Variants in RAD51 observed in about 807,000 individuals in gnomAD.
RAD51 encodes the protein DNA repair protein RAD51 homolog 1.
Under a neutral mutation model 41.5 loss-of-function variants are expected in RAD51, and 14 were observed. The ratio of observed to expected loss-of-function variants is 0.34; its 90% CI spans 0.22 to 0.53. The LOEUF is 0.53. Ranked by LOEUF, RAD51 falls within the 20% of genes least tolerant of loss-of-function variation. RAD51 has a pLI of 0.95. For synonymous variants in RAD51, 136 were observed against 148.6 expected (o/e 0.92, Z 0.62); for missense variants, 234 against 422.0 (o/e 0.55, Z 3.90).
At chr15:40,699,457 GT>G (rs1276099164) in intron 2 of RAD51, among the ~76,000 whole-genome samples, 1 of 152,118 alleles carries the variant, frequency 6.6e-6, no homozygotes, top group African/African-American at 2.4e-5. Context: ...CTGTTTTTTT[GT>G]TTGTTTTTTA....
intron 5 of RAD51, among the ~76,000 whole-genome samples, chr15:40,712,872 CTTTTCT>C (rs1180528700): frequency 3.4e-5 from 3 of 89,364 alleles, no homozygotes; most frequent in African/African-American, 8.6e-5. Context: ...TTTTTCTTTT[CTTTTCT>C]TTTTTTTTTT....
Position 40,731,658 on chromosome 15 carries a change from G to T in RAD51, c.*480G>T. 4.1e-6 allele frequency: 1 copy of T among 246,320 alleles called. No individual in the cohort carries two copies. Among genetic ancestry groups the T allele is most frequent in the Non-Finnish European group, 8.0e-6 (1 of 124,384 alleles). 15.3% of individuals were successfully genotyped at this position (246,320 alleles called of 1,614,324 possible). A position where few individuals can be genotyped will look rare whatever the true frequency, so the allele number is the denominator to read the frequency against. On this transcript the variant is annotated 3_prime_UTR_variant, in exon 10 of 10. Coordinates refer to ENST00000267868, the MANE Select transcript of RAD51 (RefSeq NM_002875.5). ...TCTCAAGCAGGTTTTTAAGTTGTCTGTCTGAATGATCTTGTGTAAGGTTTT... is the reference window on the plus strand; with the variant it reads ...TCTCAAGCAGGTTTTTAAGTTGTCTTTCTGAATGATCTTGTGTAAGGTTTT...
chr15:40,724,729 G>A (rs1896472666), intron 6 of RAD51, among the ~76,000 whole-genome samples: 1 of 132,098 alleles, frequency 7.6e-6, no homozygotes, highest in African/African-American at 2.8e-5. Context: ...GCCCAGGCTG[G>A]AGTGCTGTGG....
chr15:40,709,258 T>C, intron 5 of RAD51, 142 bp downstream of exon 5: 1 of 709,646 alleles, frequency 1.4e-6, no homozygotes. Flanking sequence ...GAAGATAGAC[T>C]CCTACTTCAA....
chr15:40,724,670 A>ATT (rs757564729), intron 6 of RAD51, among the ~76,000 whole-genome samples: 39 of 72,036 alleles, frequency 5.4e-4, no homozygotes, highest in Middle Eastern at 9.3e-3. Context: ...TAATTTTTTT[A>ATT]TTTCTTTTTT....
intron 5 of RAD51, among the ~76,000 whole-genome samples, chr15:40,712,671 TTTA>T (rs1201045367): frequency 5.3e-5 from 8 of 152,316 alleles, no homozygotes; most frequent in African/African-American, 1.7e-4. Flanking sequence ...CTTTTGAAGC[TTTA>T]TTATAATTTT....
At chr15:40,724,271 CAT>C (rs772612999) in intron 6 of RAD51, among the ~76,000 whole-genome samples, 17 of 152,284 alleles carry the variant, frequency 1.1e-4, no homozygotes, top group South Asian at 2.1e-4. Flanking sequence ...TTTTGGCAAT[CAT>C]GTACAGCATT....
intron 4 of RAD51, among the ~76,000 whole-genome samples, chr15:40,706,824 G>A (rs1327529609): frequency 6.6e-6 from 1 of 152,146 alleles, no homozygotes; most frequent in East Asian, 1.9e-4. Context: ...ATTTAATATT[G>A]TGTTAAGAGA....
chr15:40,728,443 C>T (rs1896699653), intron 6 of RAD51, among the ~76,000 whole-genome samples: 1 of 147,918 alleles, frequency 6.8e-6, no homozygotes, highest in Admixed American at 6.8e-5. Flanking sequence ...CAGAGCAAGA[C>T]TCCGTCTCAA....
intron 5 of RAD51, among the ~76,000 whole-genome samples, chr15:40,713,306 G>A (rs1251509298): frequency 5.4e-5 from 8 of 147,876 alleles, no homozygotes; most frequent in African/African-American, 7.5e-5. Context: ...GTGCAGTGGC[G>A]CAATCTTGGC....
intron 6 of RAD51, among the ~76,000 whole-genome samples, chr15:40,724,760 G>A (rs1896475809): frequency 1.5e-5 from 2 of 136,964 alleles, no homozygotes; most frequent in African/African-American, 5.4e-5. Context: ...GCTCACGCAA[G>A]CTCCACCTCC....
upstream of RAD51, chr15:40,695,052 C>G (rs950086192): frequency 6.6e-6 from 1 of 152,326 alleles, no homozygotes; most frequent in Non-Finnish European, 1.5e-5. Context: ...CGCGCAGGAT[C>G]AAGCTCTCGA....
chr15:40,702,861 T>C (rs1895090250), intron 3 of RAD51, among the ~76,000 whole-genome samples: 1 of 151,820 alleles, frequency 6.6e-6, no homozygotes, highest in South Asian at 2.1e-4. Context: ...TCTCACTCTG[T>C]TGCCCAGGCT....
At chr15:40,714,596 A>G (rs1371686947) in intron 5 of RAD51, among the ~76,000 whole-genome samples, 1 of 152,252 alleles carries the variant, frequency 6.6e-6, no homozygotes, top group Non-Finnish European at 1.5e-5. Context: ...TGGCTGAACA[A>G]CTATATAGAT....
chr15:40,729,738 T>A, intron 8 of RAD51, 104 bp downstream of exon 8: 1 of 1,609,970 alleles, frequency 6.2e-7, no homozygotes, highest in Non-Finnish European at 8.5e-7. Context: ...CATCAAGCTC[T>A]TAGGAAGAAG....
At chr15:40,722,418 A>C (rs11070289) in intron 6 of RAD51, among the ~76,000 whole-genome samples, 35,627 of 124,284 alleles carry the variant, frequency 0.29, 4,036 homozygotes, top group Middle Eastern at 0.38. Flanking sequence ...TGGCTCGGGG[A>C]AAAAAAAAAA....
At chr15:40,701,240 G>A in intron 3 of RAD51, 39 bp downstream of exon 3, 3 of 1,607,120 alleles carry the variant, frequency 1.9e-6, no homozygotes, top group South Asian at 2.2e-5. Context: ...GCATTAGTGG[G>A]AATAGTACAA....
Position 40,710,277 on chromosome 15 carries a change from GA to G in RAD51, c.435+1171del, listed in dbSNP as rs1303638080. On this transcript the variant is annotated intron_variant, in intron 5 of 9. Coordinates refer to ENST00000267868, the MANE Select transcript of RAD51 (RefSeq NM_002875.5). ...AAAAAAAAAAAAAAAAAAAGAAGAAGAAAAAAAAAAGATCAGGAGTTCAAGA... is the reference window on the plus strand; with the variant it reads ...AAAAAAAAAAAAAAAAAAAGAAGAAGAAAAAAAAAGATCAGGAGTTCAAGA... 1.1e-3 allele frequency among the ~76,000 whole-genome samples: 94 copies of G among 88,976 alleles called. 1 individual carries two copies. The highest frequency in any genetic ancestry group is 4.1e-3 in the African/African-American group (85 of 20,584). 58.4% of individuals were successfully genotyped at this position (88,976 alleles called of 152,430 possible). A position where few individuals can be genotyped will look rare whatever the true frequency, so the allele number is the denominator to read the frequency against.
intron 5 of RAD51, among the ~76,000 whole-genome samples, chr15:40,717,302 C>T (rs1174635180): frequency 6.6e-6 from 1 of 152,012 alleles, no homozygotes; most frequent in East Asian, 1.9e-4. Context: ...CATGCCATTG[C>T]ACTCCAGCCT....
Sources: gnomAD v4.1 joint callset for allele counts (sites outside exome capture counted in the v4.1 genomes callset) on GRCh38, gnomAD v4.1.1 for gene constraint, MANE v1.5 for transcripts, NCBI Gene and HGNC (gene_info 2026-07-23, HGNC 2026-07-21) for gene names.